PCDH9: variants seen among roughly 807,000 people sequenced by gnomAD.
The protein encoded by PCDH9 is protocadherin 9.
PCDH9 carries 24 observed loss-of-function variants against 70.6 expected under a neutral mutation model. The observed-to-expected ratio is 0.34, with a 90% confidence interval of 0.25 to 0.48. The LOEUF is 0.48. Among genes scored for constraint, PCDH9 ranks in the 20% least tolerant of loss-of-function variants. The pLI, the probability that PCDH9 is intolerant of heterozygous loss-of-function variation, is 0.99. For synonymous variants in PCDH9, 562 were observed against 558.5 expected, an observed-to-expected ratio of 1.01 and a Z score of -0.09; for missense variants, 1,281 against 1,503.6, an observed-to-expected ratio of 0.85 and a Z score of 2.45.
At chr13:67,113,626 C>T (rs1460516191) in intron 2 of PCDH9, among the ~76,000 whole-genome samples, 1 of 151,878 alleles carries the variant, frequency 6.6e-6, no homozygotes, top group East Asian at 1.9e-4. Context: ...CGGCTCACTG[C>T]AAGCTCCGCC....
chr13:66,987,251 T>G (rs1451174020), intron 2 of PCDH9, among the ~76,000 whole-genome samples: 1 of 152,190 alleles, frequency 6.6e-6, no homozygotes, highest in South Asian at 2.1e-4. Flanking sequence ...AAAATAGAGT[T>G]ATTTTAACAA....
At chr13:67,129,499 T>C (rs2087057464) in intron 2 of PCDH9, among the ~76,000 whole-genome samples, 1 of 152,096 alleles carries the variant, frequency 6.6e-6, no homozygotes, top group South Asian at 2.1e-4. Context: ...TTGGGCCTTT[T>C]TGTACCATGT....
intron 2 of PCDH9, among the ~76,000 whole-genome samples, chr13:67,161,007 A>G (rs1246993216): frequency 6.6e-6 from 1 of 152,248 alleles, no homozygotes; most frequent in African/African-American, 2.4e-5. Flanking sequence ...CAACAGTGAT[A>G]AATGCAGTAG....
chr13:66,393,538 G>A (rs1020546784), intron 4 of PCDH9, among the ~76,000 whole-genome samples: 8 of 152,130 alleles, frequency 5.3e-5, no homozygotes, highest in African/African-American at 1.9e-4. Context: ...CATGTCCTTA[G>A]GGAATGCCCA....
intron 2 of PCDH9, among the ~76,000 whole-genome samples, chr13:67,037,339 A>G (rs1448775292): frequency 6.6e-6 from 1 of 152,170 alleles, no homozygotes; most frequent in Non-Finnish European, 1.5e-5. Flanking sequence ...ACTTACATAT[A>G]TACCCTCAGA....
At chr13:66,414,342 AG>A (rs1284166507) in intron 4 of PCDH9, among the ~76,000 whole-genome samples, 1 of 152,248 alleles carries the variant, frequency 6.6e-6, no homozygotes, top group Non-Finnish European at 1.5e-5. Flanking sequence ...GAGCTTTTAT[AG>A]AATAAAGTAG....
intron 2 of PCDH9, chr13:67,219,413 A>G (rs1328605769): frequency 1.3e-5 from 2 of 152,072 alleles, no homozygotes; most frequent in African/African-American, 4.8e-5. Flanking sequence ...AATAACAACC[A>G]ATGAAATCTT....
intron 4 of PCDH9, among the ~76,000 whole-genome samples, chr13:66,486,280 A>T (rs1017905408): frequency 7.7e-5 from 11 of 142,930 alleles, no homozygotes; most frequent in African/African-American, 3.1e-4. Flanking sequence ...CATCTCTACA[A>T]AAAACAAGAA....
intron 2 of PCDH9, among the ~76,000 whole-genome samples, chr13:67,119,075 G>A (rs948632995): frequency 6.6e-6 from 1 of 152,060 alleles, no homozygotes; most frequent in African/African-American, 2.4e-5. Context: ...ATAAGAATCA[G>A]AAAGTCCTTT....
intron 3 of PCDH9, among the ~76,000 whole-genome samples, chr13:66,845,377 C>A (rs906159535): frequency 1.3e-5 from 2 of 152,184 alleles, no homozygotes; most frequent in Non-Finnish European, 2.9e-5. Flanking sequence ...GTGACAGCGC[C>A]CTGGATCAGC....
At chr13:66,851,566 G>A (rs189069083) in intron 3 of PCDH9, among the ~76,000 whole-genome samples, 25 of 132,814 alleles carry the variant, frequency 1.9e-4, no homozygotes, top group Admixed American at 4.0e-4. Context: ...ACACCCACCC[G>A]CATCACCCTC....
At chr13:66,970,265 TGTA>T (rs1300423141) in intron 2 of PCDH9, among the ~76,000 whole-genome samples, 1 of 151,964 alleles carries the variant, frequency 6.6e-6, no homozygotes, top group African/African-American at 2.4e-5. Flanking sequence ...TGTTGAAATG[TGTA>T]GTATTATGTG....
intron 4 of PCDH9, among the ~76,000 whole-genome samples, chr13:66,555,288 G>GT (rs1961681889): frequency 6.6e-6 from 1 of 151,974 alleles, no homozygotes; most frequent in African/African-American, 2.4e-5. Flanking sequence ...TCTTTCAAGT[G>GT]TTTTTTGTGT....
chr13:66,747,512 G>A lies in PCDH9; in HGVS notation c.3139-116101C>T, dbSNP rs1421586111. 3.9e-5 allele frequency among the ~76,000 whole-genome samples: 6 copies of A among 152,260 alleles called. No homozygotes were observed. In the East Asian group the frequency reaches 9.7e-4, roughly 24 times the overall value. On this transcript the variant is annotated intron_variant, in intron 3 of 4. Coordinates refer to ENST00000377865, the MANE Select transcript of PCDH9 (RefSeq NM_203487.3). ...AGAAACAGATAAAGGATCCGTTTAAGTGTTAAATACACTCAGGAGAGCATA... is the reference window on the plus strand; with the variant it reads ...AGAAACAGATAAAGGATCCGTTTAAATGTTAAATACACTCAGGAGAGCATA...
At chr13:66,939,424 A>ATGTGTGTG (rs57997772) in intron 2 of PCDH9, among the ~76,000 whole-genome samples, 23,652 of 147,862 alleles carry the variant, frequency 0.16, 2,318 homozygotes, top group Middle Eastern at 0.26. Flanking sequence ...TTTAAAATAT[A>ATGTGTGTG]TGTGTGTGTG....
At chr13:66,322,587 T>C (rs1025496063) in intron 4 of PCDH9, among the ~76,000 whole-genome samples, 1 of 152,062 alleles carries the variant, frequency 6.6e-6, no homozygotes, top group Admixed American at 6.5e-5. Flanking sequence ...ACAGGCCACA[T>C]TGCCTCTGTT....
At chr13:67,182,561 A>G (rs921555490) in intron 2 of PCDH9, among the ~76,000 whole-genome samples, 4 of 152,204 alleles carry the variant, frequency 2.6e-5, no homozygotes, top group African/African-American at 4.8e-5. Context: ...AATGAAAATC[A>G]TAGGTCAGAT....
At chr13:66,759,374 C>A (rs1273209725) in intron 3 of PCDH9, among the ~76,000 whole-genome samples, 2 of 151,598 alleles carry the variant, frequency 1.3e-5, no homozygotes, top group African/African-American at 2.4e-5. Flanking sequence ...GTGTGTGTAC[C>A]CTCACAGGTG....
chr13:66,709,368 T>C (rs2078761444), intron 3 of PCDH9, among the ~76,000 whole-genome samples: 1 of 152,186 alleles, frequency 6.6e-6, no homozygotes, highest in Non-Finnish European at 1.5e-5. Flanking sequence ...TAGAAAATCA[T>C]TATTAAGGGT....
Sources: allele counts gnomAD v4.1 joint callset (sites outside exome capture counted in the v4.1 genomes callset), GRCh38; gene constraint gnomAD v4.1.1; transcripts MANE v1.5; gene names NCBI Gene and HGNC (gene_info 2026-07-23, HGNC 2026-07-21).